The following KCNH8 variants were observed in gnomAD, a reference collection of about 807,000 sequenced individuals.
KCNH8 encodes the protein potassium voltage-gated channel subfamily H member 8.
A neutral mutation model predicts 103.6 loss-of-function variants in KCNH8; 70 were observed. That is an observed-to-expected ratio of 0.68 (90% CI 0.56 to 0.82). The LOEUF (loss-of-function observed/expected upper bound fraction) is 0.82, where lower values mean the gene tolerates loss of function less well. Among genes scored for constraint, KCNH8 ranks in the 40% least tolerant of loss-of-function variants. KCNH8 has a pLI of 0.00. For missense variants in KCNH8, 1,217 were observed against 1,329.9 expected, an observed-to-expected ratio of 0.92 and a Z score of 1.32; for synonymous variants, 498 against 489.4, an observed-to-expected ratio of 1.02 and a Z score of -0.23.
intron 3 of KCNH8, among the ~76,000 whole-genome samples, chr3:19,296,403 G>C (rs1327137962): frequency 6.6e-6 from 1 of 152,210 alleles, no homozygotes; most frequent in East Asian, 1.9e-4. Context: ...TAACTAGAAA[G>C]CTGCTAAAAT....
At chr3:19,212,977 G>A (rs1410606991) in intron 1 of KCNH8, among the ~76,000 whole-genome samples, 2 of 152,070 alleles carry the variant, frequency 1.3e-5, no homozygotes, top group Non-Finnish European at 2.9e-5. Context: ...GGAGTTTCAT[G>A]ATTTGATAAA....
chr3:19,153,570 A>G (rs2063150271), intron 1 of KCNH8, among the ~76,000 whole-genome samples: 1 of 151,334 alleles, frequency 6.6e-6, no homozygotes, highest in African/African-American at 2.4e-5. Context: ...AGAAATGTGT[A>G]CTTTATTCAT....
At chr3:19,191,607 G>A (rs1370630665) in intron 1 of KCNH8, among the ~76,000 whole-genome samples, 2 of 151,486 alleles carry the variant, frequency 1.3e-5, no homozygotes, top group Non-Finnish European at 3.0e-5. Flanking sequence ...CCTTTCTCTA[G>A]AACTCCTGTT....
chr3:19,495,893 T>C (rs2068430299), intron 11 of KCNH8, among the ~76,000 whole-genome samples: 1 of 152,150 alleles, frequency 6.6e-6, no homozygotes, highest in Admixed American at 6.5e-5. Context: ...GTTTTATAAT[T>C]CTCATTGTAG....
intron 1 of KCNH8, among the ~76,000 whole-genome samples, chr3:19,170,049 G>C (rs1340393194): frequency 6.6e-6 from 1 of 152,146 alleles, no homozygotes; most frequent in Admixed American, 6.5e-5. Flanking sequence ...CCACATCCCT[G>C]TGTTCCAGCC....
intron 1 of KCNH8, among the ~76,000 whole-genome samples, chr3:19,203,337 T>C (rs1414103187): frequency 6.6e-6 from 1 of 152,118 alleles, no homozygotes; most frequent in Non-Finnish European, 1.5e-5. Flanking sequence ...TTATTGATGC[T>C]TTTTTGTTAT....
intron 7 of KCNH8, among the ~76,000 whole-genome samples, chr3:19,428,662 G>A (rs1052432430): frequency 4.6e-5 from 7 of 152,168 alleles, no homozygotes; most frequent in African/African-American, 1.7e-4. Flanking sequence ...AGTTACTATT[G>A]TGTTCTCCAT....
At chr3:19,340,345 A>ATT (rs143924691) in intron 3 of KCNH8, among the ~76,000 whole-genome samples, 5 of 144,886 alleles carry the variant, frequency 3.5e-5, no homozygotes, top group African/African-American at 5.0e-5. Flanking sequence ...TATTTTTTTT[A>ATT]TTTTTTTTTT....
At chr3:19,502,727 T>G (rs1405866376) in intron 11 of KCNH8, among the ~76,000 whole-genome samples, 45 of 150,358 alleles carry the variant, frequency 3.0e-4, no homozygotes, top group South Asian at 1.1e-3. Flanking sequence ...TAGCCATATG[T>G]AGAAAGCTGA....
At chr3:19,395,026 T>G (rs2066493470) in intron 6 of KCNH8, 78 bp from the exon 7 acceptor site, 1 of 1,027,650 alleles carries the variant, frequency 9.7e-7, no homozygotes, top group African/African-American at 1.6e-5. Context: ...TCCAGAATTT[T>G]TAGAATGGCT....
intron 1 of KCNH8, among the ~76,000 whole-genome samples, chr3:19,206,665 A>G (rs1360408586): frequency 6.6e-6 from 1 of 151,978 alleles, no homozygotes; most frequent in Admixed American, 6.6e-5. Flanking sequence ...TATACCCGGT[A>G]GATAAGAGTA....
chr3:19,270,709 G>T (rs554139555), intron 2 of KCNH8, among the ~76,000 whole-genome samples: 1 of 152,124 alleles, frequency 6.6e-6, no homozygotes, highest in East Asian at 1.9e-4. Flanking sequence ...ACAAGTCTTC[G>T]TTAAGAGTTG....
chr3:19,186,287 T>TAAA (rs201199269), intron 1 of KCNH8, among the ~76,000 whole-genome samples: 284 of 106,454 alleles, frequency 2.7e-3, no homozygotes, highest in African/African-American at 7.9e-3. Context: ...TTAAAAAATG[T>TAAA]AAAAAAAAAA....
intron 3 of KCNH8, among the ~76,000 whole-genome samples, chr3:19,315,487 G>A (rs1233291646): frequency 6.6e-6 from 1 of 151,982 alleles, no homozygotes. Flanking sequence ...AAACTTAAAG[G>A]CACCTAGGTA....
intron 2 of KCNH8, among the ~76,000 whole-genome samples, chr3:19,275,264 G>A (rs74995314): frequency 6.6e-6 from 1 of 151,840 alleles, no homozygotes; most frequent in Non-Finnish European, 1.5e-5. Context: ...CTACCCATCT[G>A]TTTTTAACGC....
chr3:19,429,652 TG>T lies in KCNH8; in HGVS notation c.1178-8511del, dbSNP rs1346968073. Among the ~76,000 whole-genome samples the T allele has an allele frequency of 2.6e-5, 4 of 152,342 alleles. No homozygotes were observed. In the South Asian group the frequency reaches 6.2e-4, roughly 24 times the overall value. On this transcript the variant is annotated intron_variant, in intron 7 of 15. Transcript: ENST00000328405. ...GGTAAACTTGTTTCATGCGAGTTTT[TG>T]TACAGATTATTTCATCACCCAGGTA...
chr3:19,511,849 G>A (rs531093140), intron 12 of KCNH8, among the ~76,000 whole-genome samples: 9 of 151,878 alleles, frequency 5.9e-5, no homozygotes, highest in South Asian at 4.1e-4. Flanking sequence ...TAAACTGAAC[G>A]GGCTATTGCC....
At chr3:19,188,348 T>C (rs927199594) in intron 1 of KCNH8, among the ~76,000 whole-genome samples, 4 of 152,132 alleles carry the variant, frequency 2.6e-5, no homozygotes, top group Non-Finnish European at 5.9e-5. Context: ...GTAAATAGTC[T>C]AGCTTTTGCG....
rs188028544 is a variant in KCNH8 at position 19,319,085 on chromosome 3, T to C, written c.443-23502T>C. ...ATTAGTACTTTGTCAGATGTATAGA[T>C]TGTGAAGATTTTCTCCCACTGTGTG... is the stretch of plus-strand genomic sequence containing the variant. On this transcript the variant is annotated intron_variant, in intron 3 of 15. Coordinates refer to ENST00000328405, the MANE Select transcript of KCNH8 (RefSeq NM_144633.3). Among the ~76,000 whole-genome samples the C allele has an allele frequency of 2.3e-3, 347 of 152,220 alleles. 2 individuals carry two copies. The highest frequency in any genetic ancestry group is 7.7e-3 in the African/African-American group (318 of 41,562).
Sources: allele counts gnomAD v4.1 joint callset (sites outside exome capture counted in the v4.1 genomes callset), GRCh38; gene constraint gnomAD v4.1.1; transcripts MANE v1.5; gene names NCBI Gene and HGNC (gene_info 2026-07-23, HGNC 2026-07-21).